Variants in MAGI2 observed in about 807,000 individuals in gnomAD.
MAGI2 encodes the protein membrane associated guanylate kinase, WW and PDZ domain containing 2, also known as membrane-associated guanylate kinase, WW and PDZ domain-containing protein 2.
A neutral mutation model predicts 133.3 loss-of-function variants in MAGI2; 35 were observed. The ratio of observed to expected loss-of-function variants is 0.26; its 90% CI spans 0.20 to 0.35. The LOEUF is 0.35. Among genes scored for constraint, MAGI2 ranks in the 10% least tolerant of loss-of-function variants. The probability of loss-of-function intolerance (pLI) is 1.00; values close to 1 mark genes in which losing one functional copy is unlikely to be tolerated. For synonymous variants in MAGI2, 729 were observed against 710.6 expected (o/e 1.03, Z -0.41); for missense variants, 1,636 against 1,863.4 (o/e 0.88, Z 2.25).
chr7:78,685,961 C>A (rs925388840), intron 2 of MAGI2, among the ~76,000 whole-genome samples: 1 of 122,468 alleles, frequency 8.2e-6, no homozygotes, highest in Admixed American at 8.5e-5. Flanking sequence ...CTTTCTTTTT[C>A]TTTTTTTTCT....
intron 6 of MAGI2, among the ~76,000 whole-genome samples, chr7:78,370,492 C>T (rs1025129318): frequency 4.6e-5 from 7 of 151,824 alleles, no homozygotes; most frequent in Non-Finnish European, 1.0e-4. Context: ...AAATGTAAAT[C>T]TTTTATCATA....
intron 1 of MAGI2, among the ~76,000 whole-genome samples, chr7:79,110,187 C>T (rs1420101127): frequency 6.6e-6 from 1 of 152,006 alleles, no homozygotes; most frequent in Non-Finnish European, 1.5e-5. Context: ...CAGAAGCTTG[C>T]TACAGAAAAA....
chr7:79,335,055 G>A (rs977655772), intron 1 of MAGI2, among the ~76,000 whole-genome samples: 3 of 152,032 alleles, frequency 2.0e-5, no homozygotes, highest in African/African-American at 4.8e-5. Context: ...GCTGAGCTAC[G>A]ACTTGGTGAA....
Position 78,862,420 on chromosome 7 carries a change from T to C in MAGI2, c.418+144670A>G, listed in dbSNP as rs147692140. Among the ~76,000 whole-genome samples the C allele has an allele frequency of 9.3e-4, 142 of 152,352 alleles. 1 individual carries two copies. In the South Asian group the frequency reaches 0.012, roughly 12 times the overall value. On this transcript the variant is annotated intron_variant, in intron 2 of 21. Transcript: ENST00000354212. ...AAGATTTCTGGGTGCTTGTCCAAGA[T>C]ATTTTTGGTTATACATTCCCTGTTA...
At chr7:79,126,308 T>C (rs1820401270) in intron 1 of MAGI2, among the ~76,000 whole-genome samples, 1 of 152,192 alleles carries the variant, frequency 6.6e-6, no homozygotes, top group African/African-American at 2.4e-5. Context: ...TTCTTTCCCA[T>C]TTATATGGTT....
At chr7:79,405,970 A>G (rs1368068120) in intron 1 of MAGI2, among the ~76,000 whole-genome samples, 2 of 151,542 alleles carry the variant, frequency 1.3e-5, no homozygotes, top group Non-Finnish European at 2.9e-5. Context: ...ATGACAAAAT[A>G]AGAATAACTT....
chr7:79,242,345 C>A (rs1832478302), intron 1 of MAGI2, among the ~76,000 whole-genome samples: 1 of 152,062 alleles, frequency 6.6e-6, no homozygotes, highest in Non-Finnish European at 1.5e-5. Flanking sequence ...TCTGTAATTT[C>A]ATTGACCATT....
At chr7:79,313,124 A>G (rs1422141562) in intron 1 of MAGI2, among the ~76,000 whole-genome samples, 2 of 148,716 alleles carry the variant, frequency 1.3e-5, no homozygotes, top group African/African-American at 5.1e-5. Context: ...GTAAAACTAT[A>G]TGGCTCACAG....
intron 2 of MAGI2, among the ~76,000 whole-genome samples, chr7:78,923,321 T>G (rs1385567505): frequency 6.6e-6 from 1 of 152,202 alleles, no homozygotes; most frequent in Non-Finnish European, 1.5e-5. Flanking sequence ...GTTTTTATGG[T>G]TTTAGGTCTA....
intron 1 of MAGI2, among the ~76,000 whole-genome samples, chr7:79,341,139 T>C (rs1211261787): frequency 2.6e-5 from 4 of 152,142 alleles, no homozygotes; most frequent in East Asian, 1.9e-4. Flanking sequence ...GTTGTAAGTA[T>C]TGGGTCAAGA....
At chr7:78,119,557 CAAAAA>C (rs1166809821) in intron 20 of MAGI2, among the ~76,000 whole-genome samples, 2 of 48,916 alleles carry the variant, frequency 4.1e-5, no homozygotes, top group Non-Finnish European at 7.2e-5. Flanking sequence ...TGAGACTCCT[CAAAAA>C]AAAAAAAAAA....
intron 6 of MAGI2, among the ~76,000 whole-genome samples, chr7:78,415,042 G>T (rs562481827): frequency 2.0e-4 from 30 of 152,176 alleles, no homozygotes; most frequent in Non-Finnish European, 3.1e-4. Flanking sequence ...GTCCAACTTA[G>T]CAAGTCATGA....
chr7:79,105,133 G>C lies in MAGI2; in HGVS notation c.302-97927C>G, dbSNP rs575503652. 1.3e-4 allele frequency among the ~76,000 whole-genome samples: 20 copies of C among 152,326 alleles called. No homozygotes were observed. The South Asian group carries it at 4.1e-3, about 32-fold the overall frequency. On this transcript the variant is annotated intron_variant, in intron 1 of 21. Coordinates refer to ENST00000354212, the MANE Select transcript of MAGI2 (RefSeq NM_012301.4). ...TTAACAAATCGTTCTGAGTGCATCAGCCTTTGCTGCAGTTATGCGAGTTTC... is the reference window on the plus strand; with the variant it reads ...TTAACAAATCGTTCTGAGTGCATCACCCTTTGCTGCAGTTATGCGAGTTTC...
intron 21 of MAGI2, 197 bp downstream of exon 21, chr7:78,078,747 ACAC>A (rs2151185721): frequency 1.6e-6 from 1 of 629,376 alleles, no homozygotes; most frequent in East Asian, 2.9e-5. Flanking sequence ...AAGAGTTCAC[ACAC>A]ATTTATTTCC....
intron 9 of MAGI2, among the ~76,000 whole-genome samples, chr7:78,279,449 A>ATAATTT (rs1795343703): frequency 3.4e-5 from 2 of 59,610 alleles, no homozygotes; most frequent in African/African-American, 1.2e-4. Flanking sequence ...TGTTTTAGAC[A>ATAATTT]CAATTATTTA....
At chr7:79,000,470 T>C (rs1806747763) in intron 2 of MAGI2, 2 of 152,202 alleles carry the variant, frequency 1.3e-5, no homozygotes, top group Non-Finnish European at 2.9e-5. Flanking sequence ...TCCCACAAAG[T>C]ATACTAGAAA....
chr7:79,235,526 C>T (rs1347469713), intron 1 of MAGI2, among the ~76,000 whole-genome samples: 7 of 152,162 alleles, frequency 4.6e-5, no homozygotes, highest in South Asian at 2.1e-4. Flanking sequence ...GTCTGAAAAG[C>T]GCAATATTTG....
chr7:78,255,487 C>A, intron 10 of MAGI2: 1 of 283,838 alleles, frequency 3.5e-6, no homozygotes, highest in Non-Finnish European at 6.6e-6. Flanking sequence ...ATTGTCAAGA[C>A]TGTGCTTGGG....
chr7:78,381,407 C>T (rs755915769), intron 6 of MAGI2, among the ~76,000 whole-genome samples: 2 of 151,868 alleles, frequency 1.3e-5, no homozygotes, highest in Non-Finnish European at 2.9e-5. Context: ...CCTTTATAAT[C>T]CAAGTATGAG....
Sources: allele counts gnomAD v4.1 joint callset (sites outside exome capture counted in the v4.1 genomes callset), GRCh38; gene constraint gnomAD v4.1.1; transcripts MANE v1.5; gene names NCBI Gene and HGNC (gene_info 2026-07-23, HGNC 2026-07-21).